The following GULP1 variants were observed in gnomAD, a reference collection of about 807,000 sequenced individuals.
GULP1 encodes the protein GULP PTB domain containing engulfment adaptor 1, also known as PTB domain-containing engulfment adapter protein 1.
Under a neutral mutation model 40.9 loss-of-function variants are expected in GULP1, and 19 were observed. The observed-to-expected ratio is 0.46, with a 90% CI of 0.32 to 0.68. The LOEUF (loss-of-function observed/expected upper bound fraction) is 0.68, where lower values mean the gene tolerates loss of function less well. GULP1 is among the 30% of genes least tolerant of loss of function. The pLI is 0.03. For synonymous variants in GULP1, 119 were observed against 117.6 expected (o/e 1.01, Z -0.08); for missense variants, 312 against 362.2 (o/e 0.86, Z 1.12).
chr2:188,563,864 C>T (rs1297211942), intron 7 of GULP1, among the ~76,000 whole-genome samples: 1 of 151,900 alleles, frequency 6.6e-6, no homozygotes, highest in Non-Finnish European at 1.5e-5. Context: ...ATGACATAGA[C>T]TTAACACTCT....
intron 4 of GULP1, among the ~76,000 whole-genome samples, chr2:188,492,859 C>T (rs2062534405): frequency 6.6e-6 from 1 of 151,874 alleles, no homozygotes; most frequent in Non-Finnish European, 1.5e-5. Flanking sequence ...CGTGTTTTTC[C>T]TTAATAGCAC....
At chr2:188,396,936 C>T (rs1347888558) in intron 2 of GULP1, among the ~76,000 whole-genome samples, 1 of 152,168 alleles carries the variant, frequency 6.6e-6, no homozygotes, top group African/African-American at 2.4e-5. Flanking sequence ...AAATTAGTCT[C>T]AGCACTGGTT....
At chr2:188,377,327 G>GC (rs2048426382) in intron 1 of GULP1, among the ~76,000 whole-genome samples, 1 of 152,062 alleles carries the variant, frequency 6.6e-6, no homozygotes, top group Non-Finnish European at 1.5e-5. Context: ...TTATGTGTCG[G>GC]GCTATATGAT....
intron 1 of GULP1, among the ~76,000 whole-genome samples, chr2:188,362,267 A>T (rs1320504547): frequency 6.6e-6 from 1 of 152,140 alleles, no homozygotes; most frequent in South Asian, 2.1e-4. Flanking sequence ...AATAAACATT[A>T]ATGTATTAAA....
intron 1 of GULP1, among the ~76,000 whole-genome samples, chr2:188,355,231 A>G (rs901356870): frequency 6.6e-6 from 1 of 152,140 alleles, no homozygotes; most frequent in African/African-American, 2.4e-5. Flanking sequence ...AAAAAGATCA[A>G]TGAAATGGAA....
rs541350101 is a variant in GULP1 at position 188,292,963 on chromosome 2, C to G, written c.-172+797C>G. The G allele has an allele frequency of 1.3e-5, 2 of 152,416 alleles. No homozygotes were observed. The highest frequency in any genetic ancestry group is 4.1e-4 in the South Asian group (2 of 4,840). The allele number at this position is 152,416 out of a possible 1,614,324, so 9.4% of individuals were successfully genotyped here. ...ATCAGAATCCGGAGCAGGCAGTTCT[C>G]TCTATTCTGAGGCTCCTGCGGCTGC... On this transcript the variant is annotated intron_variant, in intron 1 of 11. Coordinates refer to ENST00000409830, the MANE Select transcript of GULP1 (RefSeq NM_016315.4). The surrounding 1 kb of genome is among the most constrained non-coding windows in gnomAD (Gnocchi z 4.0).
intron 1 of GULP1, among the ~76,000 whole-genome samples, chr2:188,310,010 G>A (rs2037798956): frequency 6.6e-6 from 1 of 152,116 alleles, no homozygotes; most frequent in Non-Finnish European, 1.5e-5. Context: ...CATAAAGTTT[G>A]TTTTAAAGTA....
chr2:188,384,556 C>T (rs192485496), intron 2 of GULP1, among the ~76,000 whole-genome samples: 1 of 152,294 alleles, frequency 6.6e-6, no homozygotes, highest in East Asian at 1.9e-4. Flanking sequence ...CATTTCAAAA[C>T]CAAACATGCC....
intron 2 of GULP1, among the ~76,000 whole-genome samples, chr2:188,413,971 C>T (rs2054238922): frequency 6.6e-6 from 1 of 152,046 alleles, no homozygotes; most frequent in African/African-American, 2.4e-5. Flanking sequence ...GTAATCCCAG[C>T]AAGTTGGGAG....
intron 9 of GULP1, among the ~76,000 whole-genome samples, chr2:188,583,071 G>A (rs556731168): frequency 4.4e-4 from 67 of 152,078 alleles, no homozygotes; most frequent in Non-Finnish European, 7.1e-4. Context: ...TTTTTGTATC[G>A]TGAAAAAGAG....
At chr2:188,570,217 A>G (rs1349138862) in intron 9 of GULP1, 97 bp downstream of exon 9, 4 of 630,874 alleles carry the variant, frequency 6.3e-6, no homozygotes, top group African/African-American at 2.0e-5. Flanking sequence ...CTTGGGGATC[A>G]GTAATTTCAA....
chr2:188,498,333 G>A (rs995527193), intron 4 of GULP1, among the ~76,000 whole-genome samples: 7 of 151,858 alleles, frequency 4.6e-5, no homozygotes, highest in African/African-American at 1.7e-4. Flanking sequence ...ATGAGGTACT[G>A]GGTCAGAGAT....
rs561447894 is a variant in GULP1, at chr2:188,394,480, C to T, written c.-45+10591C>T. On this transcript the variant is annotated intron_variant, in intron 2 of 11. Coordinates refer to ENST00000409830, the MANE Select transcript of GULP1 (RefSeq NM_016315.4). ...AGTTTTCACCTTTCTCTTGTATCTC[C>T]TTGAGTAGCTTAATTATCAACATTT... 4.7e-4 allele frequency among the ~76,000 whole-genome samples: 72 copies of T among 151,868 alleles called. 1 individual carries two copies. Among genetic ancestry groups the T allele is most frequent in the African/African-American group, 1.7e-3 (69 of 41,442 alleles).
intron 7 of GULP1, among the ~76,000 whole-genome samples, chr2:188,564,675 G>T (rs1697211694): frequency 6.6e-6 from 1 of 151,852 alleles, no homozygotes; most frequent in Admixed American, 6.6e-5. Flanking sequence ...ATACAATTCT[G>T]ATTAAAATCA....
intron 1 of GULP1, among the ~76,000 whole-genome samples, chr2:188,369,627 A>T (rs1163793988): frequency 6.6e-6 from 1 of 151,468 alleles, no homozygotes; most frequent in East Asian, 1.9e-4. Flanking sequence ...TGCTGCCACC[A>T]GTACTCTCTT....
At chr2:188,582,255 T>G (rs979531613) in intron 9 of GULP1, 1 of 405,424 alleles carries the variant, frequency 2.5e-6, no homozygotes, top group Non-Finnish European at 5.1e-6. Flanking sequence ...CAAAACACCA[T>G]TTTACAAATA....
At chr2:188,449,491 A>G (rs1044396447) in intron 2 of GULP1, among the ~76,000 whole-genome samples, 4 of 152,192 alleles carry the variant, frequency 2.6e-5, no homozygotes, top group Non-Finnish European at 5.9e-5. Context: ...CTAATTAGGT[A>G]GTGAATATAC....
chr2:188,312,374 A>G (rs1372466523), intron 1 of GULP1, among the ~76,000 whole-genome samples: 5 of 151,884 alleles, frequency 3.3e-5, no homozygotes, highest in Non-Finnish European at 7.4e-5. Context: ...TTCAACTCCC[A>G]CTTATAAATG....
intron 6 of GULP1, among the ~76,000 whole-genome samples, chr2:188,537,734 T>A (rs1040881352): frequency 6.6e-6 from 1 of 152,072 alleles, no homozygotes; most frequent in African/African-American, 2.4e-5. Context: ...CTCCTCAGTT[T>A]TTTGGGAATG....
Sources: gnomAD v4.1 joint callset for allele counts (sites outside exome capture counted in the v4.1 genomes callset) on GRCh38, gnomAD v4.1.1 for gene constraint, Gnocchi (gnomAD v3.1) non-coding constraint, MANE v1.5 for transcripts, NCBI Gene and HGNC (gene_info 2026-07-23, HGNC 2026-07-21) for gene names.